Variants in PEAK1 observed in about 807,000 individuals in gnomAD.
The protein encoded by PEAK1 is pseudopodium enriched atypical kinase 1, also known as inactive tyrosine-protein kinase PEAK1.
Under a neutral mutation model 124.7 loss-of-function variants are expected in PEAK1, and 54 were observed. The ratio of observed to expected loss-of-function variants is 0.43; its 90% CI spans 0.35 to 0.54. The LOEUF (loss-of-function observed/expected upper bound fraction) is 0.54, where lower values mean the gene tolerates loss of function less well. PEAK1 is among the 20% of genes least tolerant of loss of function. PEAK1 has a pLI of 0.01. For missense variants in PEAK1, 2,046 were observed against 2,134.5 expected (o/e 0.96, Z 0.82); for synonymous variants, 719 against 760.0 (o/e 0.95, Z 0.89).
At chr15:77,330,496 C>G (rs2065830304) in intron 2 of PEAK1, among the ~76,000 whole-genome samples, 1 of 152,022 alleles carries the variant, frequency 6.6e-6, no homozygotes, top group African/African-American at 2.4e-5. Flanking sequence ...ACAAAAGGTC[C>G]TACAAGGTCC....
intron 5 of PEAK1, among the ~76,000 whole-genome samples, chr15:77,269,492 T>A (rs766055078): frequency 6.6e-6 from 1 of 152,118 alleles, no homozygotes; most frequent in Non-Finnish European, 1.5e-5. Context: ...CATATGCACC[T>A]AACACTGGAG....
chr15:77,401,747 T>C, intron 1 of PEAK1: 4 of 985,192 alleles, frequency 4.1e-6, no homozygotes, highest in Non-Finnish European at 4.8e-6. Flanking sequence ...GTGCCAGTTT[T>C]ACTTTCTTAG....
intron 1 of PEAK1, chr15:77,370,697 T>C (rs2068576090): frequency 3.0e-6 from 3 of 984,970 alleles, no homozygotes; most frequent in East Asian, 2.3e-4. Context: ...AGACAGTCTA[T>C]TTCTGCATAT....
At chr15:77,375,550 T>C (rs2068940683) in intron 1 of PEAK1, among the ~76,000 whole-genome samples, 1 of 152,240 alleles carries the variant, frequency 6.6e-6, no homozygotes, top group Non-Finnish European at 1.5e-5. Flanking sequence ...CTTCTGACCC[T>C]GATTTGGGAA....
chr15:77,107,107 C>T (rs569719346), downstream of PEAK1: 1 of 152,472 alleles, frequency 6.6e-6, no homozygotes, highest in South Asian at 2.1e-4. Context: ...TCCTGGTACG[C>T]TCTGTTTCTG....
intron 2 of PEAK1, among the ~76,000 whole-genome samples, chr15:77,309,388 C>A (rs1361235881): frequency 6.6e-6 from 1 of 151,284 alleles, no homozygotes; most frequent in African/African-American, 2.4e-5. Context: ...ATAAGGCTGC[C>A]ACAAGTTTTA....
intron 5 of PEAK1, among the ~76,000 whole-genome samples, chr15:77,265,807 G>A (rs1466942560): frequency 6.6e-6 from 1 of 151,984 alleles, no homozygotes; most frequent in South Asian, 2.1e-4. Context: ...ACATGCACAC[G>A]TATGTTTATT....
chr15:77,106,935 C>G (rs1004317892), downstream of PEAK1: 1 of 152,250 alleles, frequency 6.6e-6, no homozygotes, highest in African/African-American at 2.4e-5. Context: ...TTTTGTTACA[C>G]TTCAGCCTTC....
Position 77,179,769 on chromosome 15 carries a change from G to A in PEAK1, c.2158C>T (p.Pro720Ser). Residue 720 changes from proline to serine, a missense_variant, in exon 7 of 10, where the codon CCA (proline) becomes TCA (serine). Transcript: ENST00000682557. ...TGGCTGGAACTATAGCTTCTCTGTG[G>A]TGAAGACTGACCTCTGTTGAGACAG... ...NNCLNRGQSS[P>S]QRSYSSSHSS... 3 of 1,614,136 alleles carry A rather than the reference G, an allele frequency of 1.9e-6. No homozygotes were observed. The highest frequency in any genetic ancestry group is 2.5e-6 in the Non-Finnish European group (3 of 1,180,008).
At chr15:77,388,172 C>A (rs1215401180) in intron 1 of PEAK1, among the ~76,000 whole-genome samples, 2 of 151,902 alleles carry the variant, frequency 1.3e-5, no homozygotes, top group African/African-American at 4.8e-5. Flanking sequence ...CCAGCCTGGG[C>A]AACAGAGCAA....
intron 2 of PEAK1, chr15:77,333,842 C>T (rs2066035406): frequency 1.6e-6 from 1 of 618,572 alleles, no homozygotes; most frequent in Non-Finnish European, 2.0e-6. Context: ...GGTGCAATTC[C>T]AACTTCATAA....
At chr15:77,353,171 C>T (rs2067307199) in intron 2 of PEAK1, among the ~76,000 whole-genome samples, 2 of 152,158 alleles carry the variant, frequency 1.3e-5, no homozygotes, top group Non-Finnish European at 2.9e-5. Context: ...AAAGGCATTC[C>T]AAGTATCGAT....
chr15:77,247,485 CTTTTTTTT>C (rs398028029), intron 6 of PEAK1, among the ~76,000 whole-genome samples: 1 of 84,298 alleles, frequency 1.2e-5, no homozygotes, highest in Non-Finnish European at 2.1e-5. Context: ...CTTTTCTTTT[CTTTTTTTT>C]TTTTTTTTTT....
At chr15:77,138,912 T>C (rs1298639760) in intron 8 of PEAK1, among the ~76,000 whole-genome samples, 1 of 152,198 alleles carries the variant, frequency 6.6e-6, no homozygotes, top group African/African-American at 2.4e-5. Flanking sequence ...CTACAAATCT[T>C]TCCCTATTTA....
At chr15:77,205,405 GT>G (rs1237642975) in intron 6 of PEAK1, among the ~76,000 whole-genome samples, 1 of 152,060 alleles carries the variant, frequency 6.6e-6, no homozygotes, top group Admixed American at 6.6e-5. Context: ...TGAAGGGTTA[GT>G]TTTAGGATAT....
chr15:77,252,614 C>T (rs1467090567), intron 5 of PEAK1, 88 bp from the exon 6 acceptor site: 1 of 708,736 alleles, frequency 1.4e-6, no homozygotes, highest in Non-Finnish European at 1.7e-6. Context: ...CCTAATATCA[C>T]CCTCACTCAA....
At chr15:77,312,633 C>G (rs747335224) in intron 2 of PEAK1, among the ~76,000 whole-genome samples, 11 of 152,244 alleles carry the variant, frequency 7.2e-5, no homozygotes, top group Non-Finnish European at 1.3e-4. Context: ...AATGACATCA[C>G]AAAACAAAGT....
rs953239760 is a variant in PEAK1, at chr15:77,264,162, A to C, written c.-274-11636T>G. Among the ~76,000 whole-genome samples, 8 of 152,308 alleles carry C rather than the reference A, an allele frequency of 5.3e-5. No individual in the cohort carries two copies. The South Asian group carries it at 8.3e-4, about 16-fold the overall frequency. On this transcript the variant is annotated intron_variant, in intron 5 of 9. Transcript: ENST00000682557. ...CAGCCAACATCATACTGAATGGGCA[A>C]AAACTGGAAGCATTCCCTTTGAAAA...
chr15:77,290,327 G>T (rs1484009012), intron 2 of PEAK1, among the ~76,000 whole-genome samples: 2 of 152,114 alleles, frequency 1.3e-5, no homozygotes, highest in Non-Finnish European at 2.9e-5. Context: ...GTTTCATCAT[G>T]TTGGCTGGTC....
Sources: allele counts gnomAD v4.1 joint callset (sites outside exome capture counted in the v4.1 genomes callset), GRCh38; gene constraint gnomAD v4.1.1; transcripts MANE v1.5; gene names NCBI Gene and HGNC (gene_info 2026-07-23, HGNC 2026-07-21).